Variants in MIX23 observed in about 807,000 individuals in gnomAD.
The protein encoded by MIX23 is mitochondrial matrix import factor 23.
In MIX23, 13 loss-of-function variants were observed where a neutral mutation model predicts 21.6. That is an observed-to-expected ratio of 0.60 (90% confidence interval 0.39 to 0.96). The LOEUF (loss-of-function observed/expected upper bound fraction) is 0.96, where lower values mean the gene tolerates loss of function less well. Ranked by LOEUF, MIX23 falls within the 40% of genes least tolerant of loss-of-function variation. The pLI is 0.00. For missense variants in MIX23, 144 were observed against 171.2 expected, an observed-to-expected ratio of 0.84 and a Z score of 0.89; for synonymous variants, 59 against 58.0, an observed-to-expected ratio of 1.02 and a Z score of -0.08.
chr3:122,378,635 C>G (rs865831000), intron 1 of MIX23, among the ~76,000 whole-genome samples: 2 of 152,164 alleles, frequency 1.3e-5, no homozygotes, highest in African/African-American at 4.8e-5. Flanking sequence ...CACAGTGATA[C>G]TTGTGTATCT....
chr3:122,374,543 A>G (rs557601472), intron 1 of MIX23, among the ~76,000 whole-genome samples: 55 of 152,348 alleles, frequency 3.6e-4, no homozygotes, highest in African/African-American at 1.3e-3. Context: ...TGTATTGTGT[A>G]GGGTATGATA....
At chr3:122,367,816 T>G in intron 3 of MIX23, 1 of 212,066 alleles carries the variant, frequency 4.7e-6, no homozygotes, top group Non-Finnish European at 9.4e-6. Flanking sequence ...TCAGGTTATG[T>G]CTCAAAAGGC....
At chr3:122,365,082 T>C (rs988709407) in intron 3 of MIX23, among the ~76,000 whole-genome samples, 2 of 152,214 alleles carry the variant, frequency 1.3e-5, no homozygotes, top group Non-Finnish European at 2.9e-5. Flanking sequence ...TTTGAGACAG[T>C]TGTCTTTGAG....
In MIX23 at chr3:122,371,804, T is replaced by C. The variant is rs773677392; in HGVS notation, c.52-4A>G. Reference sequence around the variant, plus strand: ...TCCTCATCACCTTGAGTAATTCCTATATGTATTTAAAATAAAAGAATATAA... The same window carrying C: ...TCCTCATCACCTTGAGTAATTCCTACATGTATTTAAAATAAAAGAATATAA... On this transcript the variant is annotated splice_region_variant and splice_polypyrimidine_tract_variant and intron_variant, in intron 1 of 4. Transcript: ENST00000291458. 2 of 1,582,414 alleles carry C rather than the reference T, an allele frequency of 1.3e-6. No individual in the cohort carries two copies. The highest frequency in any genetic ancestry group is 4.5e-5 in the East Asian group (2 of 44,696).
chr3:122,370,978 C>T (rs905747275), intron 2 of MIX23, among the ~76,000 whole-genome samples: 1 of 152,188 alleles, frequency 6.6e-6, no homozygotes, highest in Non-Finnish European at 1.5e-5. Context: ...GCCTTCTTTA[C>T]GACTATGAAT....
intron 2 of MIX23, among the ~76,000 whole-genome samples, chr3:122,370,941 GAGAAAGGC>G (rs1028126796): frequency 3.2e-4 from 49 of 152,188 alleles, no homozygotes; most frequent in African/African-American, 1.1e-3. Flanking sequence ...AAACTGATCT[GAGAAAGGC>G]AGTTTAGGTT....
At chr3:122,370,834 A>C (rs1015744865) in intron 2 of MIX23, among the ~76,000 whole-genome samples, 2 of 152,232 alleles carry the variant, frequency 1.3e-5, no homozygotes, top group Non-Finnish European at 2.9e-5. Flanking sequence ...TTCTCAAAGA[A>C]GACTTACCTG....
chr3:122,379,833 A>G (rs954309427), intron 1 of MIX23, among the ~76,000 whole-genome samples: 3 of 152,234 alleles, frequency 2.0e-5, no homozygotes, highest in Admixed American at 2.0e-4. Context: ...TCTATCTTTC[A>G]TCCTCCTCAA....
rs1223017300 is a variant in MIX23 at position 122,359,633 on chromosome 3, T to A, written c.*236A>T. 2 of 319,986 alleles carry A rather than the reference T, an allele frequency of 6.3e-6. No individual in the cohort carries two copies. The highest frequency in any genetic ancestry group is 1.1e-5 in the Non-Finnish European group (2 of 180,634). 19.8% of individuals were successfully genotyped at this position (319,986 alleles called of 1,614,324 possible). A position where few individuals can be genotyped will look rare whatever the true frequency, so the allele number is the denominator to read the frequency against. On this transcript the variant is annotated 3_prime_UTR_variant, in exon 5 of 5. Coordinates refer to ENST00000291458, the MANE Select transcript of MIX23 (RefSeq NM_001017928.4). The stretch of plus-strand genomic sequence containing the variant: ...TTATTTTAATAGTTACAAAAATTTT[T>A]TTTTTTTTTTTTTACAGAATCAGTA...
At chr3:122,367,406 T>A (rs1390364448) in intron 3 of MIX23, among the ~76,000 whole-genome samples, 1 of 152,210 alleles carries the variant, frequency 6.6e-6, no homozygotes, top group Non-Finnish European at 1.5e-5. Context: ...CCTTGACACG[T>A]CACATACAAG....
chr3:122,370,823 T>G (rs79790311), intron 2 of MIX23, among the ~76,000 whole-genome samples: 1 of 152,216 alleles, frequency 6.6e-6, no homozygotes, highest in African/African-American at 2.4e-5. Context: ...ATCTTATGAT[T>G]TTCTCAAAGA....
intron 4 of MIX23, among the ~76,000 whole-genome samples, chr3:122,362,433 C>T (rs762364713): frequency 1.3e-5 from 2 of 151,852 alleles, no homozygotes; most frequent in Non-Finnish European, 2.9e-5. Context: ...ATGATGGCAG[C>T]TCATTCAGTT....
intron 2 of MIX23, among the ~76,000 whole-genome samples, chr3:122,370,224 G>A (rs62271969): frequency 0.013 from 2,015 of 152,180 alleles, 23 homozygotes; most frequent in Non-Finnish European, 0.02. Flanking sequence ...GGCCAAGGCG[G>A]GTGGATCACT....
chr3:122,374,302 T>C (rs1280606476), intron 1 of MIX23, among the ~76,000 whole-genome samples: 1 of 152,164 alleles, frequency 6.6e-6, no homozygotes, highest in African/African-American at 2.4e-5. Flanking sequence ...ACAGAGCTCA[T>C]TATTTATTAA....
chr3:122,359,628 A>T lies in MIX23; in HGVS notation c.*241T>A, dbSNP rs73855768. Reference sequence around the variant, plus strand: ...GAAAATTATTTTAATAGTTACAAAAATTTTTTTTTTTTTTTTTTACAGAAT... The same window carrying T: ...GAAAATTATTTTAATAGTTACAAAATTTTTTTTTTTTTTTTTTTACAGAAT... On this transcript the variant is annotated 3_prime_UTR_variant, in exon 5 of 5. Coordinates refer to ENST00000291458, the MANE Select transcript of MIX23 (RefSeq NM_001017928.4). The T allele has an allele frequency of 0.52, 123,365 of 237,662 alleles. 30,944 individuals carry two copies. The highest frequency in any genetic ancestry group is 0.6 in the South Asian group (3,368 of 5,640). 14.7% of individuals were successfully genotyped at this position (237,662 alleles called of 1,614,324 possible). A position where few individuals can be genotyped will look rare whatever the true frequency, so the allele number is the denominator to read the frequency against.
At chr3:122,374,010 T>G (rs532985749) in intron 1 of MIX23, among the ~76,000 whole-genome samples, 67 of 150,960 alleles carry the variant, frequency 4.4e-4, no homozygotes, top group Middle Eastern at 3.5e-3. Flanking sequence ...TCCAAACAAA[T>G]GATGGCAGTA....
At chr3:122,368,361 C>T in intron 2 of MIX23, 39 bp from the exon 3 acceptor site, 1 of 1,525,104 alleles carries the variant, frequency 6.6e-7, no homozygotes, top group African/African-American at 1.4e-5. Flanking sequence ...AAAAAAACTG[C>T]ATAAATTTAT....
At chr3:122,376,716 A>C (rs2075489855) in intron 1 of MIX23, among the ~76,000 whole-genome samples, 1 of 152,192 alleles carries the variant, frequency 6.6e-6, no homozygotes, top group African/African-American at 2.4e-5. Flanking sequence ...TCAAAACAGA[A>C]AATCAAATAC....
intron 2 of MIX23, 104 bp downstream of exon 2, chr3:122,371,571 G>C: frequency 7.5e-7 from 1 of 1,327,922 alleles, no homozygotes; most frequent in East Asian, 2.3e-5. Flanking sequence ...GCAAAGAAAA[G>C]ATGTCATTCC....
Sources: gnomAD v4.1 joint callset for allele counts (sites outside exome capture counted in the v4.1 genomes callset) on GRCh38, gnomAD v4.1.1 for gene constraint, MANE v1.5 for transcripts, NCBI Gene and HGNC (gene_info 2026-07-23, HGNC 2026-07-21) for gene names.